Variants in CDH12 observed in about 807,000 individuals in gnomAD.
CDH12 encodes the protein cadherin 12.
CDH12 carries 41 observed loss-of-function variants against 74.1 expected under a neutral mutation model. The ratio of observed to expected loss-of-function variants is 0.55; its 90% confidence interval spans 0.43 to 0.72. The LOEUF (loss-of-function observed/expected upper bound fraction) is 0.72, where lower values mean the gene tolerates loss of function less well. CDH12 is among the 30% of genes least tolerant of loss of function. The pLI is 0.00. For missense variants in CDH12, 945 were observed against 977.2 expected (o/e 0.97, Z 0.44); for synonymous variants, 399 against 355.0 (o/e 1.12, Z -1.39).
At chr5:22,627,194 A>G (rs1441069292) in intron 1 of CDH12, among the ~76,000 whole-genome samples, 5 of 152,186 alleles carry the variant, frequency 3.3e-5, no homozygotes, top group Non-Finnish European at 7.3e-5. Context: ...ATATTTCCCA[A>G]ACTTCACTAG....
At chr5:22,472,306 G>A (rs939382822) in intron 2 of CDH12, among the ~76,000 whole-genome samples, 4 of 152,068 alleles carry the variant, frequency 2.6e-5, no homozygotes, top group African/African-American at 7.2e-5. Context: ...TTTGCTAGCT[G>A]CCATTCATTT....
At chr5:22,819,196 T>C (rs1321391783) in intron 1 of CDH12, among the ~76,000 whole-genome samples, 19 of 152,114 alleles carry the variant, frequency 1.2e-4, no homozygotes, top group Non-Finnish European at 2.8e-4. Context: ...AACTTAAATC[T>C]GTTTTTCATT....
chr5:22,456,286 A>T (rs959912800), intron 2 of CDH12, among the ~76,000 whole-genome samples: 1 of 151,010 alleles, frequency 6.6e-6, no homozygotes, highest in Non-Finnish European at 1.5e-5. Flanking sequence ...TCAACTCTTA[A>T]TAAAGTCTGT....
intron 3 of CDH12, among the ~76,000 whole-genome samples, chr5:22,252,004 G>C (rs1753152523): frequency 6.6e-6 from 1 of 151,878 alleles, no homozygotes; most frequent in South Asian, 2.1e-4. Context: ...CATTATAGAG[G>C]AATTACTGTT....
intron 5 of CDH12, among the ~76,000 whole-genome samples, chr5:22,046,430 C>CTTTTTTTTTTTTTTTTT (rs11323330): frequency 5.0e-5 from 5 of 100,422 alleles, no homozygotes; most frequent in African/African-American, 2.1e-4. Context: ...CATTTAATTT[C>CTTTTTTTTTTTTTTTTT]TTTTTTTTTT....
rs181798361 is a variant in CDH12, at chr5:22,651,856, T to A, written c.-522-146492A>T. On this transcript the variant is annotated intron_variant, in intron 1 of 14. Transcript: ENST00000382254. ...ATTATATCTTAATATATCTGTTTTT[T>A]AAAAAAAGATTATAAAGGAGCAAAT... 5.8e-4 allele frequency among the ~76,000 whole-genome samples: 88 copies of A among 152,108 alleles called. No individual in the cohort carries two copies. In the East Asian group the frequency reaches 8.7e-3, roughly 15 times the overall value.
intron 4 of CDH12, among the ~76,000 whole-genome samples, chr5:22,130,311 A>T (rs1176057168): frequency 6.6e-6 from 1 of 151,874 alleles, no homozygotes; most frequent in African/African-American, 2.4e-5. Context: ...TTACTTAAAA[A>T]GTTGAGAATC....
chr5:22,852,197 T>A (rs977622523), intron 1 of CDH12, among the ~76,000 whole-genome samples: 4 of 152,118 alleles, frequency 2.6e-5, no homozygotes, highest in Admixed American at 2.6e-4. Flanking sequence ...GTATGTCAGT[T>A]CCCTCTCCAG....
At chr5:22,098,606 T>C (rs1039094320) in intron 4 of CDH12, among the ~76,000 whole-genome samples, 2 of 152,178 alleles carry the variant, frequency 1.3e-5, no homozygotes, top group African/African-American at 4.8e-5. Flanking sequence ...CTGACACATA[T>C]ACTTTCTGCT....
intron 6 of CDH12, 86 bp downstream of exon 6, chr5:21,975,005 T>C (rs1756998687): frequency 3.8e-6 from 3 of 797,998 alleles, no homozygotes; most frequent in Non-Finnish European, 6.0e-6. Context: ...TTTTAGATGA[T>C]AGATAAGATG....
At chr5:22,793,833 C>A (rs1047656834) in intron 1 of CDH12, among the ~76,000 whole-genome samples, 37 of 151,876 alleles carry the variant, frequency 2.4e-4, no homozygotes, top group African/African-American at 8.5e-4. Context: ...CCTCAATTCA[C>A]AGGCAGTACA....
chr5:22,316,622 T>G (rs186932833), intron 3 of CDH12, among the ~76,000 whole-genome samples: 37 of 152,286 alleles, frequency 2.4e-4, no homozygotes, highest in Admixed American at 6.5e-5. Context: ...ATATACCTCA[T>G]GTTTTGAGAT....
At chr5:21,824,148 G>C (rs1024593862) in intron 8 of CDH12, among the ~76,000 whole-genome samples, 2 of 152,136 alleles carry the variant, frequency 1.3e-5, no homozygotes, top group African/African-American at 4.8e-5. Flanking sequence ...GCCAGCAGCA[G>C]ATGGGACATT....
intron 1 of CDH12, among the ~76,000 whole-genome samples, chr5:22,516,672 G>A (rs1398126425): frequency 6.6e-6 from 1 of 152,046 alleles, no homozygotes; most frequent in Non-Finnish European, 1.5e-5. Flanking sequence ...ATGCATGCCG[G>A]CAGCCCCAGC....
At chr5:22,317,387 G>GA (rs924242981) in intron 3 of CDH12, among the ~76,000 whole-genome samples, 15 of 151,740 alleles carry the variant, frequency 9.9e-5, no homozygotes, top group African/African-American at 3.6e-4. Flanking sequence ...CTAATTGAAA[G>GA]AAAACATATT....
chr5:22,349,786 G>C (rs562481426), intron 3 of CDH12, among the ~76,000 whole-genome samples: 94 of 152,260 alleles, frequency 6.2e-4, no homozygotes, highest in Non-Finnish European at 1.1e-3. Flanking sequence ...CCAGGCTGGA[G>C]TGCAGTGGCG....
rs554124901 is a variant in CDH12 at position 22,097,201 on chromosome 5, C to G, written c.-186-18339G>C. 1.8e-3 allele frequency among the ~76,000 whole-genome samples: 278 copies of G among 152,292 alleles called. 1 individual carries two copies. The highest frequency in any genetic ancestry group is 6.4e-3 in the African/African-American group (266 of 41,558). ...AGCTGTGTCCCATCTGTGTAGGACC[C>G]CACTGAAAATCAGACTGTTCAACTC... On this transcript the variant is annotated intron_variant, in intron 4 of 14. Transcript: ENST00000382254.
chr5:22,002,479 TA>T (rs966266793), intron 5 of CDH12, among the ~76,000 whole-genome samples: 7 of 152,142 alleles, frequency 4.6e-5, no homozygotes, highest in Non-Finnish European at 8.8e-5. Flanking sequence ...GAGATACATT[TA>T]AAAAATGATA....
At chr5:22,606,154 C>G (rs993886713) in intron 1 of CDH12, among the ~76,000 whole-genome samples, 1 of 152,160 alleles carries the variant, frequency 6.6e-6, no homozygotes, top group African/African-American at 2.4e-5. Flanking sequence ...GTTCCTGTTC[C>G]ACATCCTTAG....
Sources: gnomAD v4.1 joint callset for allele counts (sites outside exome capture counted in the v4.1 genomes callset) on GRCh38, gnomAD v4.1.1 for gene constraint, MANE v1.5 for transcripts, NCBI Gene and HGNC (gene_info 2026-07-23, HGNC 2026-07-21) for gene names.